The following SHISA9 variants were observed in gnomAD, a reference collection of about 807,000 sequenced individuals.
SHISA9 encodes shisa family member 9, also known as protein shisa-9.
SHISA9 carries 13 observed loss-of-function variants against 38.0 expected under a neutral mutation model. The observed-to-expected ratio is 0.34, with a 90% CI of 0.22 to 0.54. The LOEUF (loss-of-function observed/expected upper bound fraction) is 0.54, where lower values mean the gene tolerates loss of function less well. Ranked by LOEUF, SHISA9 falls within the 20% of genes least tolerant of loss-of-function variation. SHISA9 has a pLI of 0.91. For synonymous variants in SHISA9, 275 were observed against 242.0 expected, an observed-to-expected ratio of 1.14 and a Z score of -1.27; for missense variants, 538 against 575.8, an observed-to-expected ratio of 0.93 and a Z score of 0.67.
At chr16:13,337,153 A>G in the SHISA9 span, among the ~76,000 whole-genome samples, 25,757 of 152,084 alleles carry the variant, frequency 0.17, 2,376 homozygotes, top group Middle Eastern at 0.23. Context: ...CAGCTAACAC[A>G]TGGTTACTGA....
intron 2 of SHISA9, among the ~76,000 whole-genome samples, chr16:12,954,839 A>G (rs1449290997): frequency 6.6e-6 from 1 of 152,174 alleles, no homozygotes; most frequent in Non-Finnish European, 1.5e-5. Context: ...AGTATTAAGC[A>G]GTATGCTATT....
At chr16:13,399,255 T>TAA in the SHISA9 span, among the ~76,000 whole-genome samples, 1 of 144,016 alleles carries the variant, frequency 6.9e-6, no homozygotes. Flanking sequence ...CCATCTCAAT[T>TAA]AAAAAAAAAA....
chr16:13,524,997 G>C, the SHISA9 span, among the ~76,000 whole-genome samples: 1 of 152,138 alleles, frequency 6.6e-6, no homozygotes, highest in African/African-American at 2.4e-5. Flanking sequence ...GGGTGGTAGG[G>C]TATCAACACA....
the SHISA9 span, among the ~76,000 whole-genome samples, chr16:13,405,419 T>C: frequency 5.1e-3 from 783 of 152,342 alleles, 4 homozygotes; most frequent in Non-Finnish European, 7.8e-3. Context: ...TCAGCCGCTC[T>C]GCAAGAGATT....
Position 13,171,515 on chromosome 16 carries a change from C to A in SHISA9, c.692-31879C>A, listed in dbSNP as rs139043418. 2.4e-3 allele frequency among the ~76,000 whole-genome samples: 364 copies of A among 152,004 alleles called. 2 individuals are homozygous for A. The highest frequency in any genetic ancestry group is 8.5e-3 in the African/African-American group (354 of 41,404). ...GGGTGGGGGCGGGAGTCAAGGAAGC[C>A]CTTTCTTGAAGCTGACATGAAGGAA... On this transcript the variant is annotated intron_variant, in intron 2 of 4. Coordinates refer to ENST00000558583, the MANE Select transcript of SHISA9 (RefSeq NM_001145204.3).
At chr16:13,407,966 TTATTA>T in the SHISA9 span, among the ~76,000 whole-genome samples, 1 of 152,198 alleles carries the variant, frequency 6.6e-6, no homozygotes, top group Non-Finnish European at 1.5e-5. Context: ...GATAGATGTC[TTATTA>T]TATGAGAGAG....
the SHISA9 span, among the ~76,000 whole-genome samples, chr16:13,348,126 T>A: frequency 3.9e-5 from 6 of 152,280 alleles, no homozygotes; most frequent in East Asian, 1.9e-4. Context: ...CCACAGAAAA[T>A]TAATACAATA....
At chr16:13,109,378 C>A (rs116361606) in intron 2 of SHISA9, among the ~76,000 whole-genome samples, 1 of 152,116 alleles carries the variant, frequency 6.6e-6, no homozygotes, top group African/African-American at 2.4e-5. Flanking sequence ...ATTACTCATT[C>A]ACTCATTTCT....
intron 2 of SHISA9, among the ~76,000 whole-genome samples, chr16:13,059,939 C>T (rs543910315): frequency 1.3e-5 from 2 of 152,204 alleles, no homozygotes; most frequent in South Asian, 2.1e-4. Context: ...ACTCCAGAAC[C>T]GTGAGACAAT....
intron 2 of SHISA9, among the ~76,000 whole-genome samples, chr16:12,932,605 A>T (rs1258516975): frequency 6.6e-6 from 1 of 152,142 alleles, no homozygotes. Flanking sequence ...GGCCTCCCAA[A>T]GTGCTGGGAT....
chr16:13,561,556 G>A, the SHISA9 span, among the ~76,000 whole-genome samples: 1 of 152,186 alleles, frequency 6.6e-6, no homozygotes, highest in Non-Finnish European at 1.5e-5. Flanking sequence ...ACTTTTACTT[G>A]GGGTTTGTGC....
intron 2 of SHISA9, among the ~76,000 whole-genome samples, chr16:12,920,810 T>C (rs2071318311): frequency 6.6e-6 from 1 of 152,238 alleles, no homozygotes; most frequent in Non-Finnish European, 1.5e-5. Flanking sequence ...TGGATTTTGC[T>C]AGTTTCTTCA....
chr16:13,457,367 A>C, the SHISA9 span, among the ~76,000 whole-genome samples: 1 of 152,132 alleles, frequency 6.6e-6, no homozygotes, highest in African/African-American at 2.4e-5. Context: ...ATCAAAACTC[A>C]GGGTGCTTTT....
At chr16:13,083,278 G>T (rs912344867) in intron 2 of SHISA9, among the ~76,000 whole-genome samples, 1 of 152,296 alleles carries the variant, frequency 6.6e-6, no homozygotes, top group East Asian at 1.9e-4. Context: ...TGAACAAGTT[G>T]CTCAACTTCT....
chr16:13,171,931 A>C (rs1320650341), intron 2 of SHISA9, among the ~76,000 whole-genome samples: 1 of 152,206 alleles, frequency 6.6e-6, no homozygotes, highest in Non-Finnish European at 1.5e-5. Flanking sequence ...AACAGGACTT[A>C]CTTCTAGTTT....
At chr16:13,165,314 T>C (rs2050626425) in intron 2 of SHISA9, among the ~76,000 whole-genome samples, 1 of 152,168 alleles carries the variant, frequency 6.6e-6, no homozygotes, top group African/African-American at 2.4e-5. Flanking sequence ...AATTGATTTG[T>C]CATTGTGTTT....
the SHISA9 span, among the ~76,000 whole-genome samples, chr16:13,559,369 T>C: frequency 6.6e-6 from 1 of 150,414 alleles, no homozygotes; most frequent in Non-Finnish European, 1.5e-5. Flanking sequence ...TTTTTTCTTT[T>C]TTCTGCATTT....
chr16:12,916,591 C>T (rs912207253), intron 1 of SHISA9, 97 bp from the exon 2 acceptor site: 2 of 1,388,452 alleles, frequency 1.4e-6, no homozygotes, highest in Admixed American at 2.8e-5. Flanking sequence ...ATGGAGTAAT[C>T]CGCCTTGCCA....
chr16:13,478,189 T>C, the SHISA9 span, among the ~76,000 whole-genome samples: 2 of 152,188 alleles, frequency 1.3e-5, no homozygotes, highest in Non-Finnish European at 1.5e-5. Flanking sequence ...CATGTCTGTG[T>C]ATATTTCAAA....
Sources: gnomAD v4.1 joint callset for allele counts (sites outside exome capture counted in the v4.1 genomes callset) on GRCh38, gnomAD v4.1.1 for gene constraint, MANE v1.5 for transcripts, NCBI Gene and HGNC (gene_info 2026-07-23, HGNC 2026-07-21) for gene names.